Variants in MPRIP observed in about 807,000 individuals in gnomAD.
The protein encoded by MPRIP is myosin phosphatase Rho interacting protein.
In MPRIP, 59 loss-of-function variants were observed where a neutral mutation model predicts 234.9. That is an observed-to-expected ratio of 0.25 (90% CI 0.20 to 0.31). MPRIP has a LOEUF of 0.31. MPRIP is among the 10% of genes least tolerant of loss of function. The probability of loss-of-function intolerance (pLI) is 1.00; values close to 1 mark genes in which losing one functional copy is unlikely to be tolerated. For synonymous variants in MPRIP, 1,144 were observed against 1,263.9 expected (o/e 0.91, Z 2.01); for missense variants, 2,436 against 3,071.0 (o/e 0.79, Z 4.89).
chr17:17,050,835 G>A lies in MPRIP; in HGVS notation c.123+7864G>A, dbSNP rs11078367. The stretch of plus-strand genomic sequence containing the variant: ...GCCTGTCCTGTGGGGAGCCGGTGAG[G>A]GCCGTGGTGGGCAGGCTGGCGTATC... On this transcript the variant is annotated intron_variant, in intron 1 of 23. Transcript: ENST00000651222. Among the ~76,000 whole-genome samples, 912 of 152,004 alleles carry A rather than the reference G, an allele frequency of 6.0e-3. 11 individuals carry two copies. Among genetic ancestry groups the A allele is most frequent in the African/African-American group, 0.021 (862 of 41,544 alleles).
At chr17:17,048,533 C>CA (rs2088430004) in intron 1 of MPRIP, among the ~76,000 whole-genome samples, 1 of 151,986 alleles carries the variant, frequency 6.6e-6, no homozygotes, top group African/African-American at 2.4e-5. Flanking sequence ...GGGAGCGTGT[C>CA]AAAAATCTCA....
rs760489358 is a variant in MPRIP, at chr17:17,137,903, CTG to C, written c.737-11_737-10del. On this transcript the variant is annotated splice_polypyrimidine_tract_variant and intron_variant, in intron 6 of 23. Transcript: ENST00000651222. ...GGCTGAGTGCGTCTCCTCCCTCCCA[CTG>C]TCTCTTCCAGAGGAGAGCGCCATGA... 8.9e-5 allele frequency: 140 copies of C among 1,568,964 alleles called. 2 individuals carry two copies. In the East Asian group the frequency reaches 2.9e-3, roughly 33 times the overall value.
chr17:17,166,951 A>C lies in MPRIP; in HGVS notation c.5360A>C (p.Lys1787Thr). 1 of 1,304,248 alleles carries C rather than the reference A, an allele frequency of 7.7e-7. No homozygotes were observed. Among genetic ancestry groups the C allele is most frequent in the African/African-American group, 1.5e-5 (1 of 65,992 alleles). The allele number at this position is 1,304,248 out of a possible 1,614,324, so 80.8% of individuals were successfully genotyped here. Residue 1787 changes from lysine to threonine, a missense_variant, in exon 16 of 24, where the codon AAG becomes ACG. This residue lies in a region of MPRIP where 1,998 missense variants were observed against 2,520.3 expected (regional missense o/e 0.79). Coordinates refer to ENST00000651222, the MANE Select transcript of MPRIP (RefSeq NM_001364716.4). This position sits in a 1 kb window ranked among gnomAD's most constrained non-coding sequence, Gnocchi z 4.4. The part of the protein sequence containing the change: ...AIQEELAQQL[K>T]EKASLLEEIA... ...CAGGAGGAGCTTGCCCAGCAGCTGA[A>C]GGAGAAGGCCAGCCTCTTAGAGGAG...
chr17:17,057,313 G>A (rs1011426668), intron 1 of MPRIP, among the ~76,000 whole-genome samples: 1 of 152,264 alleles, frequency 6.6e-6, no homozygotes, highest in Non-Finnish European at 1.5e-5. Context: ...TCACGGGGCG[G>A]TGCAGGGGTG....
chr17:17,091,218 G>A (rs192309514), intron 3 of MPRIP, among the ~76,000 whole-genome samples: 5 of 152,204 alleles, frequency 3.3e-5, no homozygotes, highest in African/African-American at 1.2e-4. Context: ...TCCCAGCAGC[G>A]GACCCAGAGG....
At chr17:17,103,244 T>C (rs764919519) in intron 3 of MPRIP, among the ~76,000 whole-genome samples, 1 of 152,146 alleles carries the variant, frequency 6.6e-6, no homozygotes, top group Non-Finnish European at 1.5e-5. Context: ...GGTGAAAGTA[T>C]GGAAAAAAGC....
Position 17,132,372 on chromosome 17 carries a change from C to T in MPRIP, c.504+671C>T, listed in dbSNP as rs1327511092. ...AACTTGCAAAGCAGGCCTGTTGCTG[C>T]CTAATCGCCAAGATTGTTGTGAGCA... is the stretch of plus-strand genomic sequence containing the variant. On this transcript the variant is annotated intron_variant, in intron 5 of 23. Transcript: ENST00000651222. Among the ~76,000 whole-genome samples, 3 of 152,328 alleles carry T rather than the reference C, an allele frequency of 2.0e-5. No homozygotes were observed. The East Asian group carries it at 5.8e-4, about 29-fold the overall frequency.
rs561817770 is a variant in MPRIP, at chr17:17,062,612, C to T, written c.124-13098C>T. 2.0e-5 allele frequency among the ~76,000 whole-genome samples: 3 copies of T among 152,342 alleles called. No homozygotes were observed. In the East Asian group the frequency reaches 5.8e-4, roughly 29 times the overall value. On this transcript the variant is annotated intron_variant, in intron 1 of 23. Coordinates refer to ENST00000651222, the MANE Select transcript of MPRIP (RefSeq NM_001364716.4). Reference sequence around the variant, plus strand: ...GGGTGCCGTTCACCAGCGGACAGAGCAGCGGAGCCATGAAGGCCTGCGCAG... The same window carrying T: ...GGGTGCCGTTCACCAGCGGACAGAGTAGCGGAGCCATGAAGGCCTGCGCAG...
At chr17:17,143,812 G>T in intron 9 of MPRIP, 143 bp downstream of exon 9, 1 of 463,272 alleles carries the variant, frequency 2.2e-6, no homozygotes, top group South Asian at 4.6e-5. Flanking sequence ...CCCACCCACC[G>T]ACCCACAGGC....
intron 1 of MPRIP, among the ~76,000 whole-genome samples, chr17:17,071,811 T>C (rs1204771785): frequency 6.6e-6 from 1 of 152,170 alleles, no homozygotes; most frequent in Non-Finnish European, 1.5e-5. Flanking sequence ...AGGGGCCCTG[T>C]GTGCAGGGCT....
Position 17,165,746 on chromosome 17 carries a change from C to T in MPRIP, c.4155C>T (p.Ser1385=), listed in dbSNP as rs757984845. ...ACACGTACCTCTCCATCATCCACTCCCTGGAGACCAAGCTCTACGTCACAG... is the reference window on the plus strand; with the variant it reads ...ACACGTACCTCTCCATCATCCACTCTCTGGAGACCAAGCTCTACGTCACAG... ...DSDTYLSIIH[S]LETKLYVTEE... The change falls in exon 16 of 24, where the codon TCC becomes TCT. Residue 1385 remains serine, a synonymous_variant. Transcript: ENST00000651222. The T allele has an allele frequency of 3.1e-6, 4 of 1,304,900 alleles. No homozygotes were observed. Among genetic ancestry groups the T allele is most frequent in the Non-Finnish European group, 4.0e-6 (4 of 989,000 alleles). 80.8% of individuals were successfully genotyped at this position (1,304,900 alleles called of 1,614,324 possible). A position where few individuals can be genotyped will look rare whatever the true frequency, so the allele number is the denominator to read the frequency against.
chr17:17,143,517 C>T, intron 8 of MPRIP, 39 bp from the exon 9 acceptor site: 2 of 1,388,092 alleles, frequency 1.4e-6, no homozygotes, highest in Non-Finnish European at 2.0e-6. Flanking sequence ...GCCCACATTG[C>T]CCTGGGCTGC....
chr17:17,136,151 A>G, intron 5 of MPRIP, 68 bp from the exon 6 acceptor site: 3 of 1,582,238 alleles, frequency 1.9e-6, no homozygotes, highest in Admixed American at 1.7e-5. Context: ...CTAGGCAGCC[A>G]GGACCTGTGA....
At chr17:17,130,931 A>G (rs2090584896) in intron 4 of MPRIP, among the ~76,000 whole-genome samples, 1 of 152,202 alleles carries the variant, frequency 6.6e-6, no homozygotes, top group Non-Finnish European at 1.5e-5. Context: ...GAAGCTCCTA[A>G]GGGGCCAGGA....
intron 3 of MPRIP, among the ~76,000 whole-genome samples, chr17:17,116,366 C>T (rs1328619918): frequency 6.6e-6 from 1 of 152,172 alleles, no homozygotes; most frequent in Admixed American, 6.5e-5. Context: ...AGCGGGTAAC[C>T]GTGGGTCTCC....
At chr17:17,060,558 G>T (rs985871020) in intron 1 of MPRIP, among the ~76,000 whole-genome samples, 3 of 152,196 alleles carry the variant, frequency 2.0e-5, no homozygotes, top group African/African-American at 4.8e-5. Flanking sequence ...GGTATAAAAT[G>T]GAGGTCATGA....
rs367766897 is a variant in MPRIP, at chr17:17,179,999, G to A, written c.7121-4G>A. On this transcript the variant is annotated splice_region_variant and splice_polypyrimidine_tract_variant and intron_variant, in intron 22 of 23. Transcript: ENST00000651222. ...GGTCTGTTTGTTTTCATTATATACC[G>A]CAGATATAATGAAATCTAAAAGCAA... is the stretch of plus-strand genomic sequence containing the variant. 45 of 1,590,300 alleles carry A rather than the reference G, an allele frequency of 2.8e-5. No homozygotes were observed. Among genetic ancestry groups the A allele is most frequent in the Non-Finnish European group, 3.6e-5 (42 of 1,169,992 alleles).
intron 16 of MPRIP, chr17:17,168,806 G>T: frequency 2.2e-6 from 1 of 454,612 alleles, no homozygotes; most frequent in Non-Finnish European, 4.4e-6. Flanking sequence ...TGTTCAGGTG[G>T]TGCCTTCCAC....
intron 1 of MPRIP, among the ~76,000 whole-genome samples, chr17:17,055,996 G>A (rs552744037): frequency 6.6e-6 from 1 of 152,322 alleles, no homozygotes; most frequent in South Asian, 2.1e-4. Context: ...GCAAAGCCGG[G>A]AGGAAACCCA....
Sources: allele counts gnomAD v4.1 joint callset (sites outside exome capture counted in the v4.1 genomes callset), GRCh38; gene constraint gnomAD v4.1.1; regional missense constraint gnomAD v4.1.1; non-coding constraint Gnocchi (gnomAD v3.1); transcripts MANE v1.5; gene names NCBI Gene and HGNC (gene_info 2026-07-23, HGNC 2026-07-21).